RHOA: variants seen among roughly 807,000 people sequenced by gnomAD.
RHOA encodes the protein transforming protein RhoA.
In RHOA, 3 loss-of-function variants were observed where a neutral mutation model predicts 17.5. The ratio of observed to expected loss-of-function variants is 0.17; its 90% CI spans 0.08 to 0.44. The LOEUF (loss-of-function observed/expected upper bound fraction) is 0.44, where lower values mean the gene tolerates loss of function less well. Ranked by LOEUF, RHOA falls within the 20% of genes least tolerant of loss-of-function variation. The pLI is 0.99. For missense variants in RHOA, 56 were observed against 242.3 expected, an observed-to-expected ratio of 0.23 and a Z score of 5.10; for synonymous variants, 98 against 88.4, an observed-to-expected ratio of 1.11 and a Z score of -0.61.
chr3:49,362,538 C>A lies in RHOA; in HGVS notation c.366G>T (p.Arg122=), dbSNP rs2107830034. The A allele has an allele frequency of 6.2e-7, 1 of 1,613,680 alleles. No homozygotes were observed. Among genetic ancestry groups the A allele is most frequent in the Non-Finnish European group, 8.5e-7 (1 of 1,179,804 alleles). ...IILVGNKKDL[R]NDEHTRRELA... Reference sequence around the variant, plus strand: ...GCTCCCGCCTTGTGTGCTCATCATTCCGAAGATCCTTCTTATTCCCAACCA... The same window carrying A: ...GCTCCCGCCTTGTGTGCTCATCATTACGAAGATCCTTCTTATTCCCAACCA... The change falls in exon 4 of 5, where the codon CGG becomes CGT. Residue 122 remains arginine (R), a synonymous_variant. Coordinates refer to ENST00000418115, the MANE Select transcript of RHOA (RefSeq NM_001664.4).
intron 1 of RHOA, among the ~76,000 whole-genome samples, chr3:49,379,541 TCTCA>T (rs1298891060): frequency 1.3e-5 from 2 of 152,098 alleles, no homozygotes; most frequent in African/African-American, 2.4e-5. Context: ...TGAGACAGGG[TCTCA>T]CTCTGTTGCC....
chr3:49,365,274 C>T (rs935989526), intron 3 of RHOA: 4 of 151,718 alleles, frequency 2.6e-5, no homozygotes, highest in African/African-American at 9.7e-5. Context: ...TCCCGAGTAG[C>T]TGGGATTACA....
Position 49,359,415 on chromosome 3 carries a change from G to C in RHOA, c.*794C>G, listed in dbSNP as rs2047920174. 1 of 188,206 alleles carries C rather than the reference G, an allele frequency of 5.3e-6. No individual in the cohort carries two copies. The highest frequency in any genetic ancestry group is 1.1e-5 in the Non-Finnish European group (1 of 89,230). 11.7% of individuals were successfully genotyped at this position (188,206 alleles called of 1,614,324 possible). ...CTATTTACTTAGCCCAGCTCCATGG[G>C]GTACTGAGATACATGGGGCCGAAAA... On this transcript the variant is annotated 3_prime_UTR_variant, in exon 5 of 5. Coordinates refer to ENST00000418115, the MANE Select transcript of RHOA (RefSeq NM_001664.4).
intron 1 of RHOA, among the ~76,000 whole-genome samples, chr3:49,379,546 C>G (rs1366177098): frequency 6.6e-6 from 1 of 152,100 alleles, no homozygotes; most frequent in African/African-American, 2.4e-5. Flanking sequence ...CAGGGTCTCA[C>G]TCTGTTGCCC....
chr3:49,360,993 A>T (rs771898456), intron 4 of RHOA: 3 of 279,330 alleles, frequency 1.1e-5, no homozygotes, highest in South Asian at 7.8e-5. Context: ...GAATCGCTTA[A>T]ATCTGGGAGG....
intron 1 of RHOA, among the ~76,000 whole-genome samples, chr3:49,399,031 C>T (rs923437745): frequency 2.8e-5 from 3 of 106,532 alleles, no homozygotes; most frequent in African/African-American, 1.1e-4. Context: ...CTCCAGCCTG[C>T]GTGACAGAGC....
chr3:49,399,633 TG>T (rs1216792590), intron 1 of RHOA, among the ~76,000 whole-genome samples: 1 of 151,326 alleles, frequency 6.6e-6, no homozygotes, highest in Non-Finnish European at 1.5e-5. Context: ...GCTGCAGTGC[TG>T]GAGTGCAGTG....
chr3:49,379,495 A>G (rs2048284144), intron 1 of RHOA, among the ~76,000 whole-genome samples: 1 of 152,094 alleles, frequency 6.6e-6, no homozygotes, highest in African/African-American at 2.4e-5. Context: ...TAAACTATTG[A>G]TTATAGTATA....
At chr3:49,387,751 A>G (rs1298905795) in intron 1 of RHOA, among the ~76,000 whole-genome samples, 1 of 137,298 alleles carries the variant, frequency 7.3e-6, no homozygotes, top group Non-Finnish European at 1.6e-5. Context: ...AAAAAAAAAA[A>G]ACAAAAAAAA....
chr3:49,387,881 T>C lies in RHOA; in HGVS notation c.-2-12290A>G, dbSNP rs1433231059. Among the ~76,000 whole-genome samples the C allele has an allele frequency of 2.6e-5, 4 of 152,208 alleles. No individual in the cohort carries two copies. In the South Asian group the frequency reaches 8.3e-4, roughly 32 times the overall value. On this transcript the variant is annotated intron_variant, in intron 1 of 4. Coordinates refer to ENST00000418115, the MANE Select transcript of RHOA (RefSeq NM_001664.4). ...GAAATAATAACAATGTCACATATGT[T>C]TGAGTCACTCTGAAATCATCAACTC... is the stretch of plus-strand genomic sequence containing the variant.
rs1490595982 is a variant in RHOA at position 49,393,672 on chromosome 3, CTCTCTG to C, written c.-2-18087_-2-18082del. 2.5e-3 allele frequency among the ~76,000 whole-genome samples: 133 copies of C among 54,224 alleles called. 7 individuals carry two copies. Among genetic ancestry groups the C allele is most frequent in the Middle Eastern group, 8.1e-3 (1 of 124 alleles). 35.6% of individuals were successfully genotyped at this position (54,224 alleles called of 152,430 possible). A position where few individuals can be genotyped will look rare whatever the true frequency, so the allele number is the denominator to read the frequency against. On this transcript the variant is annotated intron_variant, in intron 1 of 4. Coordinates refer to ENST00000418115, the MANE Select transcript of RHOA (RefSeq NM_001664.4). ...CCACAGGTCCCTTGTCTCAAATTCT[CTCTCTG>C]TGTGTGTGTGTGTGTGTGTGTGTGT...
intron 1 of RHOA, among the ~76,000 whole-genome samples, chr3:49,405,115 G>A (rs9817807): frequency 0.24 from 35,617 of 150,222 alleles, 4,528 homozygotes; most frequent in Middle Eastern, 0.29. Flanking sequence ...ACACCTAGCC[G>A]GGCGTGGTGG....
At chr3:49,362,714 TTC>T (rs2047991608) in intron 3 of RHOA, 88 bp from the exon 4 acceptor site, 2 of 1,119,328 alleles carry the variant, frequency 1.8e-6, no homozygotes, top group Non-Finnish European at 2.6e-6. Flanking sequence ...CAGAGACACT[TTC>T]TTTGTGGCTT....
chr3:49,376,262 T>C (rs1449017124), intron 1 of RHOA, among the ~76,000 whole-genome samples: 1 of 151,962 alleles, frequency 6.6e-6, no homozygotes, highest in Non-Finnish European at 1.5e-5. Context: ...AATTCACACA[T>C]GAGATGATTT....
chr3:49,393,727 T>TGAGAGA (rs1439102234), intron 1 of RHOA, among the ~76,000 whole-genome samples: 50 of 132,274 alleles, frequency 3.8e-4, no homozygotes, highest in East Asian at 2.3e-3. Flanking sequence ...TGTGTGTGTG[T>TGAGAGA]GTGACAGAAT....
At chr3:49,391,742 C>T (rs966580575) in intron 1 of RHOA, among the ~76,000 whole-genome samples, 1 of 151,870 alleles carries the variant, frequency 6.6e-6, no homozygotes. Context: ...ACTTCCCAAC[C>T]TCAGGTGATC....
chr3:49,397,158 T>C (rs377097220), intron 1 of RHOA, among the ~76,000 whole-genome samples: 3 of 125,426 alleles, frequency 2.4e-5, no homozygotes, highest in African/African-American at 8.9e-5. Flanking sequence ...AGTCAGAAAA[T>C]AAATGTTACA....
intron 3 of RHOA, among the ~76,000 whole-genome samples, chr3:49,363,399 G>C (rs1360156578): frequency 2.6e-5 from 4 of 152,162 alleles, no homozygotes; most frequent in South Asian, 4.1e-4. Flanking sequence ...CTGGGCGACA[G>C]AGCAAGACTC....
At chr3:49,404,773 CAAA>C (rs773502375) in intron 1 of RHOA, among the ~76,000 whole-genome samples, 1 of 117,368 alleles carries the variant, frequency 8.5e-6, no homozygotes, top group Non-Finnish European at 1.8e-5. Context: ...TACTAAAATA[CAAA>C]AAAAAAAAAA....
Sources: allele counts gnomAD v4.1 joint callset (sites outside exome capture counted in the v4.1 genomes callset), GRCh38; gene constraint gnomAD v4.1.1; transcripts MANE v1.5; gene names NCBI Gene and HGNC (gene_info 2026-07-23, HGNC 2026-07-21).